The following C12orf56 variants were observed in gnomAD, a reference collection of about 807,000 sequenced individuals.
C12orf56 encodes uncharacterized protein C12orf56.
C12orf56 carries 71 observed loss-of-function variants against 69.9 expected under a neutral mutation model. The ratio of observed to expected loss-of-function variants is 1.02; its 90% CI spans 0.84 to 1.24. The LOEUF is 1.24. Among genes scored for constraint, C12orf56 ranks in the 50% most tolerant of loss-of-function variants. The probability of loss-of-function intolerance (pLI) is 0.00; values close to 1 mark genes in which losing one functional copy is unlikely to be tolerated. For missense variants in C12orf56, 732 were observed against 738.5 expected (o/e 0.99, Z 0.10); for synonymous variants, 276 against 274.1 (o/e 1.01, Z -0.07).
chr12:64,328,706 AATAT>A (rs138783628), intron 3 of C12orf56, among the ~76,000 whole-genome samples: 256 of 15,086 alleles, frequency 0.017, 4 homozygotes, highest in African/African-American at 0.055. Flanking sequence ...AAAAAAAAAA[AATAT>A]ATATATATAT....
chr12:64,269,424 C>T (rs2037953942), intron 12 of C12orf56, among the ~76,000 whole-genome samples: 1 of 152,118 alleles, frequency 6.6e-6, no homozygotes, highest in Non-Finnish European at 1.5e-5. Context: ...CCAATGCTGG[C>T]TACTGTTCTT....
intron 3 of C12orf56, among the ~76,000 whole-genome samples, chr12:64,319,855 G>A (rs1485655854): frequency 6.6e-6 from 1 of 152,224 alleles, no homozygotes; most frequent in Admixed American, 6.5e-5. Flanking sequence ...TACACTCTTT[G>A]GGTCCCCTCC....
chr12:64,280,448 T>C (rs577863439), intron 8 of C12orf56, among the ~76,000 whole-genome samples: 4 of 152,308 alleles, frequency 2.6e-5, no homozygotes, highest in South Asian at 2.1e-4. Flanking sequence ...GTCCATGTTA[T>C]TGTGGTGGGC....
At position 64,313,274 on chromosome 12, in the gene C12orf56, AAAAGAAAG is replaced by A. The variant is rs760452951; in HGVS notation, c.895-530_895-523del. Among the ~76,000 whole-genome samples the A allele has an allele frequency of 3.4e-3, 275 of 81,244 alleles. 5 individuals are homozygous for A. The highest frequency in any genetic ancestry group is 5.2e-3 in the East Asian group (13 of 2,480). 53.3% of individuals were successfully genotyped at this position (81,244 alleles called of 152,430 possible). ...GAGACTCTGTCTCAAAAAAAAAAAA[AAAAGAAAG>A]AAAGAAAGAAAGAAAGAAATTATTT... On this transcript the variant is annotated intron_variant, in intron 4 of 12. Coordinates refer to ENST00000543942, the MANE Select transcript of C12orf56 (RefSeq NM_001170633.2).
At chr12:64,328,253 C>T (rs541657103) in intron 3 of C12orf56, among the ~76,000 whole-genome samples, 3 of 152,202 alleles carry the variant, frequency 2.0e-5, no homozygotes, top group Non-Finnish European at 2.9e-5. Context: ...GATATTTCCC[C>T]TTGCTATGAC....
chr12:64,336,932 A>G (rs1308534909), intron 2 of C12orf56, among the ~76,000 whole-genome samples: 3 of 152,144 alleles, frequency 2.0e-5, no homozygotes, highest in African/African-American at 7.2e-5. Flanking sequence ...ACCTTATTTC[A>G]TGTAATATAA....
At chr12:64,368,665 A>G (rs1325550800) in intron 1 of C12orf56, among the ~76,000 whole-genome samples, 2 of 152,158 alleles carry the variant, frequency 1.3e-5, no homozygotes, top group Non-Finnish European at 2.9e-5. Flanking sequence ...GGGCTAATTC[A>G]TTCTTTTGTG....
At chr12:64,298,250 G>C (rs980912790) in intron 6 of C12orf56, among the ~76,000 whole-genome samples, 4 of 152,086 alleles carry the variant, frequency 2.6e-5, no homozygotes, top group Non-Finnish European at 5.9e-5. Flanking sequence ...TTGTAAATTT[G>C]TTTACGTCCT....
Position 64,390,377 on chromosome 12 carries a change from G to C in C12orf56, c.189C>G (p.Thr63=), listed in dbSNP as rs373092906. The C allele has an allele frequency of 8.1e-6, 13 of 1,613,036 alleles. No individual in the cohort carries two copies. Among genetic ancestry groups the C allele is most frequent in the Non-Finnish European group, 1.1e-5 (13 of 1,179,754 alleles). ...GCCGGATGGACTTGGGCGGGTTCTCGGTTAGGTAGACGAGCCGGTCGCTTA... is the reference window on the plus strand; with the variant it reads ...GCCGGATGGACTTGGGCGGGTTCTCCGTTAGGTAGACGAGCCGGTCGCTTA... The part of the protein sequence containing the change: ...VVLSDRLVYL[T]ENPPKSIRRV... The change falls in exon 1 of 13, where the codon ACC becomes ACG. Residue 63 remains threonine (T), a synonymous_variant. Coordinates refer to ENST00000543942, the MANE Select transcript of C12orf56 (RefSeq NM_001170633.2).
chr12:64,276,993 T>TAAAAA lies in C12orf56; in HGVS notation c.1434+682_1434+686dup, dbSNP rs200351319. ...TGGGCAACAGAGTGAAACCCTTTCTTAAAAAAAAAAAAAAAAAAAAAAATT... is the reference window on the plus strand; with the variant it reads ...TGGGCAACAGAGTGAAACCCTTTCTTAAAAAAAAAAAAAAAAAAAAAAAAAAAATT... On this transcript the variant is annotated intron_variant, in intron 9 of 12. Coordinates refer to ENST00000543942, the MANE Select transcript of C12orf56 (RefSeq NM_001170633.2). 8.7e-5 allele frequency among the ~76,000 whole-genome samples: 6 copies of TAAAAA among 69,214 alleles called. 1 individual carries two copies. The highest frequency in any genetic ancestry group is 2.9e-4 in the African/African-American group (5 of 17,390). 45.4% of individuals were successfully genotyped at this position (69,214 alleles called of 152,430 possible). A position where few individuals can be genotyped will look rare whatever the true frequency, so the allele number is the denominator to read the frequency against.
intron 3 of C12orf56, 108 bp from the exon 4 acceptor site, chr12:64,319,088 T>G: frequency 5.4e-6 from 6 of 1,119,598 alleles, no homozygotes; most frequent in Non-Finnish European, 4.8e-6. Context: ...ACAAAAGGAA[T>G]GCTTGTTAAA....
chr12:64,299,808 G>A (rs1450669214), intron 6 of C12orf56, among the ~76,000 whole-genome samples: 4 of 152,068 alleles, frequency 2.6e-5, no homozygotes, highest in Non-Finnish European at 5.9e-5. Context: ...CATGAAAACT[G>A]TCTGTTAATT....
chr12:64,352,916 A>G lies in C12orf56; in HGVS notation c.393T>C (p.His131=). 1.2e-6 allele frequency: 2 copies of G among 1,611,838 alleles called. No individual in the cohort carries two copies. The highest frequency in any genetic ancestry group is 1.7e-6 in the Non-Finnish European group (2 of 1,179,438). The change falls in exon 2 of 13, where the codon CAT becomes CAC. Residue 131 remains histidine, a synonymous_variant. Coordinates refer to ENST00000543942, the MANE Select transcript of C12orf56 (RefSeq NM_001170633.2). ...SVRKFLFPFH[H]TKANNKKVKE... ...TACCTTTCTTGTTGTTAGCTTTAGT[A>G]TGATGAAATGGAAATAGGAATTTCC...
rs2039506670 is a variant in C12orf56, at chr12:64,367,259, A to AATATACAGTTTATATATTATATG, written c.253-14204_253-14203insCATATAATATATAAACTGTATAT. Among the ~76,000 whole-genome samples, 2 of 117,740 alleles carry AATATACAGTTTATATATTATATG rather than the reference A, an allele frequency of 1.7e-5. 1 individual carries two copies. Among genetic ancestry groups the AATATACAGTTTATATATTATATG allele is most frequent in the Non-Finnish European group, 3.4e-5 (2 of 58,710 alleles). The allele number at this position is 117,740 out of a possible 152,430, so 77.2% of individuals were successfully genotyped here. Reference sequence around the variant, plus strand: ...GTAATATACAGTTTATATATTATATATAATATACAGTTTATATATTATATA... The same window carrying AATATACAGTTTATATATTATATG: ...GTAATATACAGTTTATATATTATATAATATACAGTTTATATATTATATGTAATATACAGTTTATATATTATATA... On this transcript the variant is annotated intron_variant, in intron 1 of 12. Transcript: ENST00000543942.
intron 5 of C12orf56, among the ~76,000 whole-genome samples, chr12:64,305,728 A>G (rs1216629230): frequency 6.6e-6 from 1 of 152,114 alleles, no homozygotes; most frequent in Admixed American, 6.6e-5. Flanking sequence ...CTTCATACAC[A>G]CTAAGTGTTT....
At chr12:64,271,244 T>C (rs1188296828) in intron 11 of C12orf56, among the ~76,000 whole-genome samples, 1 of 151,580 alleles carries the variant, frequency 6.6e-6, no homozygotes, top group African/African-American at 2.4e-5. Context: ...GGCGGGTAGA[T>C]CACTTGAGGC....
chr12:64,320,284 A>G (rs2118009), intron 3 of C12orf56, among the ~76,000 whole-genome samples: 40,625 of 151,960 alleles, frequency 0.27, 5,830 homozygotes, highest in Middle Eastern at 0.36. Context: ...GCTTGCCACC[A>G]TCTTGGAAGC....
intron 1 of C12orf56, among the ~76,000 whole-genome samples, chr12:64,374,570 G>A (rs2039616402): frequency 6.7e-6 from 1 of 150,282 alleles, no homozygotes; most frequent in Admixed American, 6.6e-5. Flanking sequence ...TTCCGAGATG[G>A]AGTCTCGCTG....
intron 3 of C12orf56, among the ~76,000 whole-genome samples, chr12:64,327,325 C>T (rs1424792677): frequency 6.6e-6 from 1 of 152,124 alleles, no homozygotes; most frequent in Non-Finnish European, 1.5e-5. Context: ...GAAATGGAAA[C>T]AAATCTTGAC....
Sources: allele counts gnomAD v4.1 joint callset (sites outside exome capture counted in the v4.1 genomes callset), GRCh38; gene constraint gnomAD v4.1.1; transcripts MANE v1.5; gene names NCBI Gene and HGNC (gene_info 2026-07-23, HGNC 2026-07-21).